DST: variants seen among roughly 807,000 people sequenced by gnomAD.
DST encodes bullous pemphigoid antigen.
A neutral mutation model predicts 875.2 loss-of-function variants in DST; 253 were observed. That is an observed-to-expected ratio of 0.29 (90% CI 0.26 to 0.32). The LOEUF is 0.32. Ranked by LOEUF, DST falls within the 10% of genes least tolerant of loss-of-function variation. The probability of loss-of-function intolerance (pLI) is 1.00; values close to 1 mark genes in which losing one functional copy is unlikely to be tolerated. For synonymous variants in DST, 3,124 were observed against 3,197.1 expected, an observed-to-expected ratio of 0.98 and a Z score of 0.77; for missense variants, 8,287 against 9,111.6, an observed-to-expected ratio of 0.91 and a Z score of 3.68.
At chr6:56,872,881 T>C (rs1778009535) in intron 3 of DST, among the ~76,000 whole-genome samples, 1 of 139,012 alleles carries the variant, frequency 7.2e-6, no homozygotes, top group South Asian at 2.6e-4. Flanking sequence ...TACTATATGC[T>C]AGATCATATA....
intron 5 of DST, among the ~76,000 whole-genome samples, chr6:56,730,880 C>T (rs1190753706): frequency 6.6e-6 from 1 of 152,056 alleles, no homozygotes; most frequent in Non-Finnish European, 1.5e-5. Flanking sequence ...ACTGAACTAC[C>T]GGAACACTAA....
At chr6:56,849,268 C>A (rs1400196672) in intron 4 of DST, among the ~76,000 whole-genome samples, 1 of 150,810 alleles carries the variant, frequency 6.6e-6, no homozygotes, top group African/African-American at 2.4e-5. Flanking sequence ...TCTAGAGTAA[C>A]TGGGACTACA....
chr6:56,773,061 A>G (rs1589996954), intron 4 of DST, among the ~76,000 whole-genome samples: 1 of 152,146 alleles, frequency 6.6e-6, no homozygotes, highest in Non-Finnish European at 1.5e-5. Context: ...CATGTGAGTA[A>G]GCCTGGAAAC....
chr6:56,586,716 C>A (rs1197362441), intron 49 of DST, among the ~76,000 whole-genome samples: 1 of 152,032 alleles, frequency 6.6e-6, no homozygotes, highest in Admixed American at 6.5e-5. Flanking sequence ...GACAAAACTT[C>A]CAGAGGAATG....
At chr6:56,744,092 C>T (rs1050953710) in intron 4 of DST, among the ~76,000 whole-genome samples, 3 of 148,822 alleles carry the variant, frequency 2.0e-5, no homozygotes, top group African/African-American at 5.0e-5. Context: ...GAGTTTGCAG[C>T]GAGCCGAGAT....
intron 3 of DST, among the ~76,000 whole-genome samples, chr6:56,855,011 G>A (rs1411674767): frequency 2.6e-5 from 4 of 152,144 alleles, no homozygotes; most frequent in Admixed American, 6.5e-5. Context: ...CCAACAAGGG[G>A]GCAGAGTAAT....
At position 56,460,338 on chromosome 6, in the gene DST, T is replaced by C. The variant is rs547587324; in HGVS notation, c.23071-84A>G. On this transcript the variant is annotated intron_variant, in intron 102 of 103. Transcript: ENST00000680361. ...CTGACACCACTTCTTTACATATGGG[T>C]GGAAACTCTCTACTATTCCTCTTTA... The C allele has an allele frequency of 2.7e-6, 4 of 1,474,384 alleles. No individual in the cohort carries two copies. In the African/African-American group the frequency reaches 5.5e-5, roughly 20 times the overall value. 91.3% of individuals were successfully genotyped at this position (1,474,384 alleles called of 1,614,324 possible).
intron 4 of DST, among the ~76,000 whole-genome samples, chr6:56,803,294 CTT>C (rs998756968): frequency 2.0e-5 from 3 of 152,196 alleles, no homozygotes; most frequent in Admixed American, 2.0e-4. Flanking sequence ...TGGGAAATCA[CTT>C]TTAAAATTTA....
At chr6:56,524,961 A>T (rs2096771532) in intron 69 of DST, among the ~76,000 whole-genome samples, 1 of 152,132 alleles carries the variant, frequency 6.6e-6, no homozygotes, top group African/African-American at 2.4e-5. Context: ...ATTCCGGAAG[A>T]CTTACACTGA....
chr6:56,836,276 T>C lies in DST; in HGVS notation c.625+15121A>G, dbSNP rs181669382. Among the ~76,000 whole-genome samples, 258 of 152,336 alleles carry C rather than the reference T, an allele frequency of 1.7e-3. 1 individual carries two copies. Among genetic ancestry groups the C allele is most frequent in the Non-Finnish European group, 1.9e-3 (130 of 68,032 alleles). On this transcript the variant is annotated intron_variant, in intron 4 of 103. Transcript: ENST00000680361. ...ATATAGTTTAGGCCAAATATACATT[T>C]GATGTTCAAATGCCATTTCTACCAC...
intron 3 of DST, chr6:56,851,969 C>G (rs976641489): frequency 1.6e-5 from 23 of 1,467,984 alleles, no homozygotes; most frequent in African/African-American, 5.7e-5. Context: ...TTGGCTCCCC[C>G]ACCAGGACAG....
intron 4 of DST, among the ~76,000 whole-genome samples, chr6:56,790,192 CA>C (rs113438614): frequency 1.1e-4 from 16 of 147,286 alleles, no homozygotes; most frequent in South Asian, 2.1e-4. Context: ...TGCCAGAAAG[CA>C]AAAAAAAAAA....
chr6:56,610,255 A>T (rs2098533911), intron 39 of DST, among the ~76,000 whole-genome samples, 172 bp downstream of exon 39: 1 of 152,226 alleles, frequency 6.6e-6, no homozygotes, highest in Admixed American at 6.5e-5. Flanking sequence ...CATGTGTAAG[A>T]TTGCATTTAA....
chr6:56,937,875 T>C (rs1813831122), intron 2 of DST, among the ~76,000 whole-genome samples: 1 of 152,116 alleles, frequency 6.6e-6, no homozygotes, highest in Non-Finnish European at 1.5e-5. Context: ...TCAAAAACCT[T>C]AAGCTACATG....
rs12662511 is a variant in DST at position 56,552,394 on chromosome 6, C to T, written c.16398G>A (p.Leu5466=). ...TGTTGCATTGTTTGCTTAAGGCCTC[C>T]AAGTCCCTTTTGATTCCAACAAGGT... The part of the protein sequence containing the change: ...SPDLVGIKRD[L]EALSKQCNKL... The change falls in exon 61 of 104, where the codon TTG becomes TTA. Residue 5466 remains leucine, a synonymous_variant. Transcript: ENST00000680361. 5.4e-3 allele frequency: 8,636 copies of T among 1,613,992 alleles called. 407 individuals carry two copies. The East Asian group carries it at 0.12, about 22-fold the overall frequency.
At chr6:56,810,878 G>T (rs2099759091) in intron 4 of DST, among the ~76,000 whole-genome samples, 1 of 151,972 alleles carries the variant, frequency 6.6e-6, no homozygotes, top group Non-Finnish European at 1.5e-5. Flanking sequence ...CAAAAAACCT[G>T]GGAGAAAAAA....
At position 56,631,974 on chromosome 6, in the gene DST, T is replaced by A. The variant is rs773768314; in HGVS notation, c.3872A>T (p.Glu1291Val). 3 of 1,613,718 alleles carry A rather than the reference T, an allele frequency of 1.9e-6. No individual in the cohort carries two copies. In the South Asian group the frequency reaches 3.3e-5, roughly 18 times the overall value. The change falls in exon 29 of 104, where the codon GAG becomes GTG. Residue 1291 changes from glutamate (E) to valine (V), a missense_variant. Physicochemically the swap from Glu to Val is moderately radical, Grantham distance 121. This residue lies in a region of DST where 3,138 missense variants were observed against 3,116.6 expected (regional missense o/e 1.01). Transcript: ENST00000680361. Reference sequence around the variant, plus strand: ...TCTAATCAGCCGATCTTCACAGTTCTCTAACCGAAGTCTAATGTTTCGAAC... The same window carrying A: ...TCTAATCAGCCGATCTTCACAGTTCACTAACCGAAGTCTAATGTTTCGAAC... Reference protein sequence around the residue: ...SEVRNIRLRLENCEDRLIRQI... With the variant: ...SEVRNIRLRLVNCEDRLIRQI...
At chr6:56,696,200 T>C (rs1489356398) in intron 9 of DST, among the ~76,000 whole-genome samples, 1 of 152,202 alleles carries the variant, frequency 6.6e-6, no homozygotes, top group African/African-American at 2.4e-5. Flanking sequence ...TTCACTCCTG[T>C]TGCCCAGACT....
intron 4 of DST, among the ~76,000 whole-genome samples, chr6:56,782,779 T>C (rs1365579810): frequency 6.6e-6 from 1 of 152,226 alleles, no homozygotes; most frequent in Non-Finnish European, 1.5e-5. Flanking sequence ...TTGAATGTGT[T>C]TGCTCTTGCT....
Sources: gnomAD v4.1 joint callset for allele counts (sites outside exome capture counted in the v4.1 genomes callset) on GRCh38, gnomAD v4.1.1 for gene constraint, gnomAD v4.1.1 regional missense constraint, MANE v1.5 for transcripts, NCBI Gene and HGNC (gene_info 2026-07-23, HGNC 2026-07-21) for gene names.